TRPV4: variants seen among roughly 807,000 people sequenced by gnomAD.
TRPV4 encodes OSM9-like transient receptor potential channel 4.
In TRPV4, 58 loss-of-function variants were observed where a neutral mutation model predicts 84.1. The ratio of observed to expected loss-of-function variants is 0.69; its 90% CI spans 0.56 to 0.86. TRPV4 has a LOEUF of 0.86. Ranked by LOEUF, TRPV4 falls within the 40% of genes least tolerant of loss-of-function variation. TRPV4 has a pLI of 0.00. For missense variants in TRPV4, 879 were observed against 1,181.1 expected (o/e 0.74, Z 3.75); for synonymous variants, 489 against 500.9 (o/e 0.98, Z 0.32).
In TRPV4 at chr12:109,814,654, G is replaced by A. The variant is rs756185743; in HGVS notation, c.143C>T (p.Ser48Leu). The stretch of plus-strand genomic sequence containing the variant: ...GCGACTGGCATCAGCCGGTGAGGGC[G>A]AAAGGGAGCCATCCTCCCCCTCAAA... Reference protein sequence around the residue: ...NLFEGEDGSLSPSPADASRPA... With the variant: ...NLFEGEDGSLLPSPADASRPA... Residue 48 changes from serine (S) to leucine (L), a missense_variant, in exon 2 of 16, where the codon TCG (serine) becomes TTG (leucine). Coordinates refer to ENST00000261740, the MANE Select transcript of TRPV4 (RefSeq NM_021625.5). The surrounding 1 kb of genome is among the most constrained non-coding windows in gnomAD (Gnocchi z 5.4). 26 of 1,613,374 alleles carry A rather than the reference G, an allele frequency of 1.6e-5. 1 individual carries two copies. Among genetic ancestry groups the A allele is most frequent in the Middle Eastern group, 3.3e-4 (2 of 6,080 alleles).
intron 7 of TRPV4, among the ~76,000 whole-genome samples, chr12:109,795,607 A>G (rs904262190): frequency 6.6e-6 from 1 of 152,232 alleles, no homozygotes; most frequent in African/African-American, 2.4e-5. Flanking sequence ...AACCCAAGCG[A>G]CCAGCAATAA....
Position 109,798,543 on chromosome 12 carries a change from G to T in TRPV4, c.1152+71C>A. On this transcript the variant is annotated intron_variant, in intron 6 of 15. Coordinates refer to ENST00000261740, the MANE Select transcript of TRPV4 (RefSeq NM_021625.5). The surrounding 1 kb of genome is among the most constrained non-coding windows in gnomAD (Gnocchi z 5.0). ...CACGTATTAATAATGAATACCAGCA[G>T]CAGACCCTCGTGTGTGTGTGCAGAG... 6.4e-7 allele frequency: 1 copy of T among 1,571,372 alleles called. No individual in the cohort carries two copies.
chr12:109,803,859 G>A (rs1251173382), intron 3 of TRPV4, among the ~76,000 whole-genome samples: 3 of 152,176 alleles, frequency 2.0e-5, no homozygotes, highest in Admixed American at 6.5e-5. Flanking sequence ...ACTTCTCAGA[G>A]CCTTTCATAC....
Position 109,783,589 on chromosome 12 carries a change from T to C in TRPV4, c.*32A>G. On this transcript the variant is annotated 3_prime_UTR_variant, in exon 16 of 16. Coordinates refer to ENST00000261740, the MANE Select transcript of TRPV4 (RefSeq NM_021625.5). This position sits in a 1 kb window ranked among gnomAD's most constrained non-coding sequence, Gnocchi z 4.6. Reference sequence around the variant, plus strand: ...GAAATGCGGCTGGACTAGAAATGAGTGGGCAGAGAAGCTGGGGCTGGGCTG... The same window carrying C: ...GAAATGCGGCTGGACTAGAAATGAGCGGGCAGAGAAGCTGGGGCTGGGCTG... The C allele has an allele frequency of 1.2e-6, 2 of 1,602,758 alleles. No homozygotes were observed. Among genetic ancestry groups the C allele is most frequent in the South Asian group, 1.1e-5 (1 of 89,688 alleles).
chr12:109,803,142 C>A lies in TRPV4; in HGVS notation c.561G>T (p.Glu187Asp). 1 of 1,613,968 alleles carries A rather than the reference C, an allele frequency of 6.2e-7. No homozygotes were observed. The highest frequency in any genetic ancestry group is 1.7e-5 in the Admixed American group (1 of 60,022). ...GCAGGCAGGTCTTCCCCGTAGATGG[C>A]TCTAGCAAGAGAGACACACAAGATG... The part of the protein sequence containing the change: ...KKRLTDEEFR[E>D]PSTGKTCLPK... The change falls in exon 4 of 16, where the codon GAG (glutamate) becomes GAT (aspartate). Residue 187 changes from glutamate (E) to aspartate (D), a missense_variant and splice_region_variant. By Grantham distance (45) the Glu-to-Asp change is conservative. This residue lies in a region of TRPV4 where 521 missense variants were observed against 686.6 expected (regional missense o/e 0.76). Transcript: ENST00000261740.
chr12:109,811,001 G>C (rs1891481510), intron 2 of TRPV4, among the ~76,000 whole-genome samples: 2 of 152,128 alleles, frequency 1.3e-5, no homozygotes, highest in African/African-American at 2.4e-5. Flanking sequence ...AGACAACTGT[G>C]AGGCCCTATT....
intron 3 of TRPV4, 50 bp downstream of exon 3, chr12:109,808,245 TC>T (rs764114513): frequency 1.2e-6 from 2 of 1,607,294 alleles, no homozygotes; most frequent in Admixed American, 3.4e-5. Flanking sequence ...ATGCCAGGCT[TC>T]CCCCACACCC....
chr12:109,808,008 T>C (rs1891249515), intron 3 of TRPV4, among the ~76,000 whole-genome samples: 1 of 152,116 alleles, frequency 6.6e-6, no homozygotes, highest in African/African-American at 2.4e-5. Flanking sequence ...CTGGTAAAGG[T>C]AGAATCTGAA....
intron 12 of TRPV4, 148 bp downstream of exon 12, chr12:109,792,215 C>A: frequency 1.4e-6 from 1 of 702,572 alleles, no homozygotes; most frequent in Admixed American, 2.6e-5. Flanking sequence ...TGCACTCCAG[C>A]CCGGGCAACA....
chr12:109,783,847 C>T lies in TRPV4; in HGVS notation c.2459-69G>A. 1 of 1,562,720 alleles carries T rather than the reference C, an allele frequency of 6.4e-7. No homozygotes were observed. Among genetic ancestry groups the T allele is most frequent in the Non-Finnish European group, 8.7e-7 (1 of 1,148,964 alleles). On this transcript the variant is annotated intron_variant, in intron 15 of 15. Coordinates refer to ENST00000261740, the MANE Select transcript of TRPV4 (RefSeq NM_021625.5). This position sits in a 1 kb window ranked among gnomAD's most constrained non-coding sequence, Gnocchi z 4.6. ...GAGAGAGCGTGCGTATATTGAGTGC[C>T]TACTGTGTACTGGGCACTCCACAGT...
At position 109,788,564 on chromosome 12, in the gene TRPV4, C is replaced by T. The variant is rs968378720; in HGVS notation, c.2044G>A (p.Asp682Asn). The change falls in exon 13 of 16, where the codon GAC (aspartate) becomes AAC (asparagine). Residue 682 changes from aspartate (D) to asparagine (N), a missense_variant. Asp to Asn is a conservative substitution (Grantham distance 23). Around this residue, in one of 4 missense-constraint regions of TRPV4, gnomAD observed 242 missense variants for 355.3 expected, o/e 0.68. Transcript: ENST00000261740. ...TTGGTGCTGCTCAGCATCTCCAGGT[C>T]GCCCATGCCGATGGTCAGCTTAAAC... ...DLFKLTIGMG[D>N]LEMLSSTKYP... The T allele has an allele frequency of 2.5e-6, 4 of 1,614,232 alleles. No homozygotes were observed. The highest frequency in any genetic ancestry group is 1.7e-5 in the Admixed American group (1 of 60,028).
intron 1 of TRPV4, among the ~76,000 whole-genome samples, chr12:109,830,477 T>C (rs1892380851): frequency 6.6e-6 from 1 of 152,226 alleles, no homozygotes; most frequent in Non-Finnish European, 1.5e-5. Context: ...CAGAACCTTG[T>C]ACCCAGAGTT....
In TRPV4 at chr12:109,799,153, CTT is replaced by C. The variant is rs1038182364; in HGVS notation, c.854-243_854-242del. 0.016 allele frequency among the ~76,000 whole-genome samples: 2,215 copies of C among 137,712 alleles called. 49 individuals carry two copies. The highest frequency in any genetic ancestry group is 0.054 in the African/African-American group (2,044 of 37,650). 90.3% of individuals were successfully genotyped at this position (137,712 alleles called of 152,430 possible). On this transcript the variant is annotated intron_variant, in intron 5 of 15. Coordinates refer to ENST00000261740, the MANE Select transcript of TRPV4 (RefSeq NM_021625.5). ...ACTGGACACATCCAATGATGGAATT[CTT>C]TTTTTTTTTTTTTTTGAGACAAAGT...
intron 12 of TRPV4, among the ~76,000 whole-genome samples, chr12:109,789,694 C>T (rs1196409388): frequency 1.3e-5 from 2 of 152,200 alleles, no homozygotes; most frequent in African/African-American, 4.8e-5. Flanking sequence ...CAGTGGGGCA[C>T]AGAATGTCAT....
intron 1 of TRPV4, among the ~76,000 whole-genome samples, chr12:109,831,495 G>A (rs1486189068): frequency 6.6e-6 from 1 of 152,246 alleles, no homozygotes; most frequent in Non-Finnish European, 1.5e-5. Flanking sequence ...GCCTTCACAC[G>A]CCTCAGGCTA....
Position 109,788,472 on chromosome 12 carries a change from G to C in TRPV4, c.2136C>G (p.Asn712Lys). 6.2e-7 allele frequency: 1 copy of C among 1,614,238 alleles called. No individual in the cohort carries two copies. Among genetic ancestry groups the C allele is most frequent in the South Asian group, 1.1e-5 (1 of 91,092 alleles). ...YIILTFVLLLNMLIALMGETV... is the reference protein window; with the variant it reads ...YIILTFVLLLKMLIALMGETV... ...TCTCGCCCATGAGGGCAATGAGCAT[G>C]TTGAGGAGCAGCACAAAGGTGAGGA... Residue 712 changes from asparagine (N) to lysine (K), a missense_variant, in exon 13 of 16, where the codon AAC (asparagine) becomes AAG (lysine). By Grantham distance (94) the Asn-to-Lys change is moderately conservative (BLOSUM62 0). Transcript: ENST00000261740.
Position 109,786,565 on chromosome 12 carries a change from T to C in TRPV4, c.2336+145A>G. On this transcript the variant is annotated intron_variant, in intron 14 of 15. Transcript: ENST00000261740. The surrounding 1 kb of genome is among the most constrained non-coding windows in gnomAD (Gnocchi z 4.5). The stretch of plus-strand genomic sequence containing the variant: ...GTGGGCTGACTTGCCTGAGATCGCC[T>C]GGTGGAAATGAACTCTGCTCGGGCC... 9.5e-7 allele frequency: 1 copy of C among 1,053,692 alleles called. No homozygotes were observed. Among genetic ancestry groups the C allele is most frequent in the Middle Eastern group, 3.0e-4 (1 of 3,312 alleles). The allele number at this position is 1,053,692 out of a possible 1,614,324, so 65.3% of individuals were successfully genotyped here.
At chr12:109,794,108 A>T in intron 8 of TRPV4, 86 bp from the exon 9 acceptor site, 1 of 1,251,278 alleles carries the variant, frequency 8.0e-7, no homozygotes, top group Non-Finnish European at 1.1e-6. Flanking sequence ...GGCCCGAAAC[A>T]TCGGCATCCC....
chr12:109,820,765 C>T (rs1028708968), intron 1 of TRPV4, among the ~76,000 whole-genome samples: 2 of 151,944 alleles, frequency 1.3e-5, no homozygotes, highest in East Asian at 1.9e-4. Flanking sequence ...CCTCGTGATC[C>T]GCCTGCCTCA....
Sources: gnomAD v4.1 joint callset for allele counts (sites outside exome capture counted in the v4.1 genomes callset) on GRCh38, gnomAD v4.1.1 for gene constraint, gnomAD v4.1.1 regional missense constraint, Gnocchi (gnomAD v3.1) non-coding constraint, MANE v1.5 for transcripts, NCBI Gene and HGNC (gene_info 2026-07-23, HGNC 2026-07-21) for gene names.